USP13: variants seen among roughly 807,000 people sequenced by gnomAD.
The protein encoded by USP13 is ubiquitin specific peptidase 13, also known as ubiquitin carboxyl-terminal hydrolase 13.
In USP13, 68 loss-of-function variants were observed where a neutral mutation model predicts 107.8. That is an observed-to-expected ratio of 0.63 (90% CI 0.52 to 0.77). USP13 has a LOEUF of 0.77. Ranked by LOEUF, USP13 falls within the 30% of genes least tolerant of loss-of-function variation. USP13 has a pLI of 0.00. For synonymous variants in USP13, 377 were observed against 389.5 expected (o/e 0.97, Z 0.38); for missense variants, 945 against 1,093.3 (o/e 0.86, Z 1.91).
intron 3 of USP13, among the ~76,000 whole-genome samples, chr3:179,698,194 C>G (rs1449805063): frequency 6.6e-6 from 1 of 152,096 alleles, no homozygotes; most frequent in Non-Finnish European, 1.5e-5. Flanking sequence ...TCTGAATACT[C>G]AGATTTCACA....
In USP13 at chr3:179,721,712, T is replaced by C. The variant is rs1423859557; in HGVS notation, c.1088+123T>C. ...TCAGGACATTTTGCCACCTTTTCTC[T>C]GGCCTGCCTTCTACAGAGACTGGGT... On this transcript the variant is annotated intron_variant, in intron 8 of 20. Coordinates refer to ENST00000263966, the MANE Select transcript of USP13 (RefSeq NM_003940.3). The surrounding 1 kb of genome is among the most constrained non-coding windows in gnomAD (Gnocchi z 4.3). The C allele has an allele frequency of 9.7e-7, 1 of 1,032,372 alleles. No homozygotes were observed. The highest frequency in any genetic ancestry group is 1.4e-6 in the Non-Finnish European group (1 of 721,798). The allele number at this position is 1,032,372 out of a possible 1,614,324, so 64.0% of individuals were successfully genotyped here.
At chr3:179,764,234 T>G in intron 18 of USP13, 66 bp downstream of exon 18, 1 of 1,531,488 alleles carries the variant, frequency 6.5e-7, no homozygotes, top group Non-Finnish European at 8.8e-7. Context: ...TCTGTAGCAG[T>G]TGAGACTTTC....
intron 1 of USP13, among the ~76,000 whole-genome samples, chr3:179,664,245 C>T (rs1005077067): frequency 2.0e-5 from 3 of 151,732 alleles, no homozygotes; most frequent in Admixed American, 6.6e-5. Context: ...GTGTGTACCA[C>T]CATGCCCGGA....
At chr3:179,667,537 T>C (rs1464366994) in intron 1 of USP13, among the ~76,000 whole-genome samples, 2 of 152,222 alleles carry the variant, frequency 1.3e-5, no homozygotes, top group Non-Finnish European at 2.9e-5. Context: ...ATGGTTTCCA[T>C]GTTCCCCATT....
intron 8 of USP13, among the ~76,000 whole-genome samples, chr3:179,722,391 G>T (rs184943071): frequency 6.6e-6 from 1 of 152,160 alleles, no homozygotes; most frequent in Non-Finnish European, 1.5e-5. Context: ...TTTGGAAATC[G>T]AGAGTGAGCA....
chr3:179,675,104 G>A (rs947481906), intron 1 of USP13, among the ~76,000 whole-genome samples: 2 of 151,834 alleles, frequency 1.3e-5, no homozygotes, highest in African/African-American at 2.4e-5. Context: ...GAACCCGGGA[G>A]GTGGAGTTTG....
chr3:179,658,030 T>G (rs1366557886), intron 1 of USP13, among the ~76,000 whole-genome samples: 1 of 152,136 alleles, frequency 6.6e-6, no homozygotes, highest in Non-Finnish European at 1.5e-5. Flanking sequence ...GAGGCGAGTC[T>G]CTGGCTTGTC....
Position 179,721,622 on chromosome 3 carries a change from G to A in USP13, c.1088+33G>A, listed in dbSNP as rs1159100285. On this transcript the variant is annotated intron_variant, in intron 8 of 20. Coordinates refer to ENST00000263966, the MANE Select transcript of USP13 (RefSeq NM_003940.3). This position sits in a 1 kb window ranked among gnomAD's most constrained non-coding sequence, Gnocchi z 4.3. ...CCTTCCATGCAGACCAGGGCACGCG[G>A]CACCTCCCTGCCCCATCTAGGTCCA... 1.9e-5 allele frequency: 31 copies of A among 1,601,372 alleles called. No homozygotes were observed. Among genetic ancestry groups the A allele is most frequent in the Non-Finnish European group, 2.6e-5 (31 of 1,173,978 alleles).
intron 9 of USP13, 78 bp downstream of exon 9, chr3:179,730,338 CA>C (rs1713756908): frequency 7.0e-7 from 1 of 1,421,812 alleles, no homozygotes; most frequent in Non-Finnish European, 9.7e-7. Flanking sequence ...CTCTGGGTTG[CA>C]AAATTAAAGG....
At position 179,765,727 on chromosome 3, in the gene USP13, C is replaced by T; in HGVS notation, c.2292C>T (p.Ile764=). The change falls in exon 19 of 21, where the codon ATC becomes ATT. Residue 764 remains isoleucine (I), a synonymous_variant. Coordinates refer to ENST00000263966, the MANE Select transcript of USP13 (RefSeq NM_003940.3). ...ACCTGGAAAGAGCACTGGATTGGATCTTTAGCCACCCTGAGTTTGAAGAAG... is the reference window on the plus strand; with the variant it reads ...ACCTGGAAAGAGCACTGGATTGGATTTTTAGCCACCCTGAGTTTGAAGAAG... The part of the protein sequence containing the change: ...NNNLERALDW[I]FSHPEFEEDS... 1 of 1,614,142 alleles carries T rather than the reference C, an allele frequency of 6.2e-7. No homozygotes were observed. Among genetic ancestry groups the T allele is most frequent in the Non-Finnish European group, 8.5e-7 (1 of 1,179,994 alleles).
At chr3:179,759,881 C>G (rs1419118189) in intron 16 of USP13, among the ~76,000 whole-genome samples, 2 of 152,270 alleles carry the variant, frequency 1.3e-5, no homozygotes, top group East Asian at 3.9e-4. Flanking sequence ...ACCATGTTGG[C>G]CAGGATGGTC....
rs1299092405 is a variant in USP13 at position 179,788,212 on chromosome 3, A to G, written c.*4071A>G. On this transcript the variant is annotated 3_prime_UTR_variant, in exon 21 of 21. Transcript: ENST00000263966. ...ATCAGTACATGCCTTCTGTGGGGAG[A>G]TGGCAGGGGGCAGGGGCAGGACCAG... The G allele has an allele frequency of 1.3e-5, 2 of 152,338 alleles. No homozygotes were observed. Among genetic ancestry groups the G allele is most frequent in the African/African-American group, 4.8e-5 (2 of 41,432 alleles). The allele number at this position is 152,338 out of a possible 1,614,324, so 9.4% of individuals were successfully genotyped here. A position where few individuals can be genotyped will look rare whatever the true frequency, so the allele number is the denominator to read the frequency against.
Position 179,761,226 on chromosome 3 carries a change from A to G in USP13, c.2063A>G (p.Asn688Ser). Reference sequence around the variant, plus strand: ...AATATGGGCGCCGAGGTGGCCTTCAACTGGATCATTGTTCACATGGAAGAG... The same window carrying G: ...AATATGGGCGCCGAGGTGGCCTTCAGCTGGATCATTGTTCACATGGAAGAG... The part of the protein sequence containing the change: ...TGNMGAEVAF[N>S]WIIVHMEEPD... The change falls in exon 17 of 21, where the codon AAC becomes AGC. Residue 688 changes from asparagine (N) to serine (S), a missense_variant. Transcript: ENST00000263966. The G allele has an allele frequency of 1.9e-6, 3 of 1,614,188 alleles. No individual in the cohort carries two copies. Among genetic ancestry groups the G allele is most frequent in the Non-Finnish European group, 2.5e-6 (3 of 1,180,032 alleles).
intron 6 of USP13, among the ~76,000 whole-genome samples, chr3:179,717,597 T>C (rs1713151564): frequency 6.6e-6 from 1 of 152,216 alleles, no homozygotes; most frequent in African/African-American, 2.4e-5. Context: ...ATTAGAGGCT[T>C]AAAGTCTTAA....
chr3:179,658,609 C>G (rs1002270250), intron 1 of USP13, among the ~76,000 whole-genome samples: 1 of 152,172 alleles, frequency 6.6e-6, no homozygotes. Context: ...GAAAGCCAGT[C>G]CAAGAGTGAG....
At chr3:179,677,842 T>C (rs1193976608) in intron 1 of USP13, among the ~76,000 whole-genome samples, 1 of 152,208 alleles carries the variant, frequency 6.6e-6, no homozygotes, top group Non-Finnish European at 1.5e-5. Flanking sequence ...CCTATGTGGC[T>C]GTCAGACTCA....
intron 1 of USP13, among the ~76,000 whole-genome samples, chr3:179,656,403 A>G (rs1720262579): frequency 6.6e-6 from 1 of 152,242 alleles, no homozygotes; most frequent in African/African-American, 2.4e-5. Flanking sequence ...TGTACCTACC[A>G]TGTCTAAGGC....
chr3:179,764,176 TGA>T lies in USP13; in HGVS notation c.2259+13_2259+14del. ...CAGGCACTACGAGCAACGGTGAGCA[TGA>T]GAGACTGTGTGTGTGTGTGTGTGTG... On this transcript the variant is annotated intron_variant, in intron 18 of 20. Coordinates refer to ENST00000263966, the MANE Select transcript of USP13 (RefSeq NM_003940.3). 6.4e-7 allele frequency: 1 copy of T among 1,562,000 alleles called. No individual in the cohort carries two copies.
chr3:179,682,066 C>G, intron 2 of USP13, 63 bp downstream of exon 2: 1 of 1,523,146 alleles, frequency 6.6e-7, no homozygotes. Flanking sequence ...TCTCAGTGTG[C>G]TTTCTCACGT....
Sources: allele counts gnomAD v4.1 joint callset (sites outside exome capture counted in the v4.1 genomes callset), GRCh38; gene constraint gnomAD v4.1.1; non-coding constraint Gnocchi (gnomAD v3.1); transcripts MANE v1.5; gene names NCBI Gene and HGNC (gene_info 2026-07-23, HGNC 2026-07-21).